The following SUCLG2 variants were observed in gnomAD, a reference collection of about 807,000 sequenced individuals.
The protein encoded by SUCLG2 is succinate--CoA ligase [GDP-forming] subunit beta, mitochondrial.
Under a neutral mutation model 47.9 loss-of-function variants are expected in SUCLG2, and 42 were observed. The observed-to-expected ratio is 0.88, with a 90% CI of 0.69 to 1.14. The LOEUF (loss-of-function observed/expected upper bound fraction) is 1.14, where lower values mean the gene tolerates loss of function less well. Among genes scored for constraint, SUCLG2 ranks in the 50% most tolerant of loss-of-function variants. SUCLG2 has a pLI of 0.00. For synonymous variants in SUCLG2, 195 were observed against 197.3 expected (o/e 0.99, Z 0.10); for missense variants, 571 against 525.9 (o/e 1.09, Z -0.84).
At chr3:67,538,253 G>A (rs1040226234) in intron 2 of SUCLG2, among the ~76,000 whole-genome samples, 7 of 152,138 alleles carry the variant, frequency 4.6e-5, no homozygotes, top group Non-Finnish European at 7.3e-5. Flanking sequence ...TGTGTAAGGC[G>A]TAAGGAAGGG....
intron 1 of SUCLG2, among the ~76,000 whole-genome samples, chr3:67,640,348 T>C (rs1416749491): frequency 6.6e-6 from 1 of 152,226 alleles, no homozygotes; most frequent in Non-Finnish European, 1.5e-5. Flanking sequence ...AGATGTACAA[T>C]GAATGTTAAA....
chr3:67,511,806 G>T (rs1705798851), intron 6 of SUCLG2, among the ~76,000 whole-genome samples: 1 of 144,748 alleles, frequency 6.9e-6, no homozygotes. Flanking sequence ...TTGAGATTTT[G>T]GTCCCTTATT....
intron 2 of SUCLG2, among the ~76,000 whole-genome samples, chr3:67,587,125 A>G (rs140053969): frequency 6.6e-6 from 1 of 152,370 alleles, no homozygotes; most frequent in Admixed American, 6.5e-5. Context: ...AAAATGTCAT[A>G]AAACTCATTT....
intron 5 of SUCLG2, among the ~76,000 whole-genome samples, chr3:67,519,579 TGCTAAGTG>T (rs2107125643): frequency 6.6e-6 from 1 of 152,274 alleles, no homozygotes; most frequent in South Asian, 2.1e-4. Context: ...CTGTTGAGGA[TGCTAAGTG>T]GGTGTTTATT....
intron 1 of SUCLG2, among the ~76,000 whole-genome samples, chr3:67,646,657 A>T (rs1701196690): frequency 6.6e-6 from 1 of 152,190 alleles, no homozygotes; most frequent in Non-Finnish European, 1.5e-5. Flanking sequence ...GAAAAAGAAA[A>T]AAAAAAGGTA....
chr3:67,495,997 A>G, intron 8 of SUCLG2, 57 bp from the exon 9 acceptor site: 4 of 1,604,410 alleles, frequency 2.5e-6, no homozygotes, highest in South Asian at 1.1e-5. Context: ...GAAATGGTCC[A>G]TAAACATTTT....
intron 2 of SUCLG2, among the ~76,000 whole-genome samples, chr3:67,579,528 C>T (rs751830257): frequency 2.0e-5 from 3 of 152,118 alleles, no homozygotes; most frequent in East Asian, 1.9e-4. Context: ...AAAATTCGAA[C>T]AGATGTTAAT....
chr3:67,543,962 A>G (rs563510672), intron 2 of SUCLG2, among the ~76,000 whole-genome samples: 8 of 152,338 alleles, frequency 5.3e-5, no homozygotes, highest in African/African-American at 1.9e-4. Flanking sequence ...TCTTAAGGAC[A>G]CATGGCTGAA....
At chr3:67,631,353 T>C (rs1700921979) in intron 1 of SUCLG2, among the ~76,000 whole-genome samples, 1 of 151,832 alleles carries the variant, frequency 6.6e-6, no homozygotes, top group Non-Finnish European at 1.5e-5. Flanking sequence ...TATGGCCGGG[T>C]GTGAGGGCTC....
intron 2 of SUCLG2, among the ~76,000 whole-genome samples, chr3:67,546,458 G>A (rs1380349695): frequency 1.3e-5 from 2 of 152,150 alleles, no homozygotes; most frequent in African/African-American, 4.8e-5. Flanking sequence ...TTTCAGGCCG[G>A]GCAGGGTGGC....
chr3:67,631,410 T>C (rs1700923515), intron 1 of SUCLG2, among the ~76,000 whole-genome samples: 1 of 152,096 alleles, frequency 6.6e-6, no homozygotes, highest in African/African-American at 2.4e-5. Context: ...GGTGGATTCC[T>C]TGAGGCCAGG....
At chr3:67,478,503 C>T (rs912412813) in intron 9 of SUCLG2, among the ~76,000 whole-genome samples, 3 of 152,168 alleles carry the variant, frequency 2.0e-5, no homozygotes, top group Non-Finnish European at 2.9e-5. Flanking sequence ...ATGAAAAATC[C>T]TAAAAATGGA....
At chr3:67,459,772 G>A (rs559575627) in intron 9 of SUCLG2, among the ~76,000 whole-genome samples, 1 of 152,318 alleles carries the variant, frequency 6.6e-6, no homozygotes, top group African/African-American at 2.4e-5. Context: ...ATAGGCCTGG[G>A]ATGGTAGGAT....
chr3:67,532,861 A>T (rs1223335881), intron 2 of SUCLG2, among the ~76,000 whole-genome samples: 1 of 152,164 alleles, frequency 6.6e-6, no homozygotes, highest in Admixed American at 6.5e-5. Context: ...TTTTCTTTTC[A>T]TTCTTTACCA....
At chr3:67,626,023 CA>C (rs1232263032) in intron 1 of SUCLG2, among the ~76,000 whole-genome samples, 5 of 133,556 alleles carry the variant, frequency 3.7e-5, no homozygotes, top group Non-Finnish European at 6.7e-5. Context: ...TATATATTTA[CA>C]TTTTTTTTTT....
intron 2 of SUCLG2, among the ~76,000 whole-genome samples, chr3:67,592,727 AAAAAAAAAACAAC>A (rs750614329): frequency 7.3e-5 from 9 of 123,746 alleles, no homozygotes; most frequent in Middle Eastern, 4.0e-3. Context: ...CCAAAAAAAA[AAAAAAAAAACAAC>A]AAAAAAAAAC....
intron 9 of SUCLG2, among the ~76,000 whole-genome samples, chr3:67,470,596 G>GC (rs1289966429): frequency 1.3e-5 from 2 of 152,106 alleles, no homozygotes; most frequent in Non-Finnish European, 2.9e-5. Flanking sequence ...GATAAGTTCA[G>GC]CCCCCATTTT....
chr3:67,625,338 A>T (rs1359886442), intron 1 of SUCLG2, among the ~76,000 whole-genome samples: 2 of 152,178 alleles, frequency 1.3e-5, no homozygotes, highest in Admixed American at 1.3e-4. Flanking sequence ...CCATGACCTT[A>T]CAAGTTTGCT....
chr3:67,447,862 G>A (rs74716119), intron 9 of SUCLG2, among the ~76,000 whole-genome samples: 15,579 of 152,140 alleles, frequency 0.1, 1,025 homozygotes, highest in Admixed American at 0.18. Context: ...CTGAGTAGCT[G>A]GGATTATAGA....
Sources: gnomAD v4.1 joint callset for allele counts (sites outside exome capture counted in the v4.1 genomes callset) on GRCh38, gnomAD v4.1.1 for gene constraint, MANE v1.5 for transcripts, NCBI Gene and HGNC (gene_info 2026-07-23, HGNC 2026-07-21) for gene names.